The following LRIG2 variants were observed in gnomAD, a reference collection of about 807,000 sequenced individuals.
LRIG2 encodes leucine-rich repeats and immunoglobulin-like domains protein 2.
A neutral mutation model predicts 107.8 loss-of-function variants in LRIG2; 93 were observed. The observed-to-expected ratio is 0.86, with a 90% CI of 0.73 to 1.03. The LOEUF is 1.03. Ranked by LOEUF, LRIG2 falls within the 50% of genes least tolerant of loss-of-function variation. The pLI, the probability that LRIG2 is intolerant of heterozygous loss-of-function variation, is 0.00. For missense variants in LRIG2, 1,226 were observed against 1,296.0 expected, an observed-to-expected ratio of 0.95 and a Z score of 0.83; for synonymous variants, 471 against 470.6, an observed-to-expected ratio of 1.00 and a Z score of -0.01.
chr1:113,110,281 C>T lies in LRIG2; in HGVS notation c.1517C>T (p.Thr506Ile). The T allele has an allele frequency of 6.2e-7, 1 of 1,613,172 alleles. No individual in the cohort carries two copies. The highest frequency in any genetic ancestry group is 8.5e-7 in the Non-Finnish European group (1 of 1,179,326). ...CCACAGATAAGGACACATCCTGAAACCATAATTGCTCTAAGAGGCATGAAT... is the reference window on the plus strand; with the variant it reads ...CCACAGATAAGGACACATCCTGAAATCATAATTGCTCTAAGAGGCATGAAT... The part of the protein sequence containing the change: ...LKPQIRTHPE[T>I]IIALRGMNVT... Residue 506 changes from threonine (T) to isoleucine (I), a missense_variant, in exon 13 of 18, where the codon ACC (threonine) becomes ATC (isoleucine). Coordinates refer to ENST00000361127, the MANE Select transcript of LRIG2 (RefSeq NM_014813.3).
intron 11 of LRIG2, chr1:113,103,161 G>T (rs1654378483): frequency 6.6e-6 from 1 of 152,168 alleles, no homozygotes; most frequent in Non-Finnish European, 1.5e-5. Flanking sequence ...TTGTCACAAA[G>T]ATTCTTTGCT....
At chr1:113,104,867 A>G (rs1215442464) in intron 11 of LRIG2, among the ~76,000 whole-genome samples, 5 of 152,024 alleles carry the variant, frequency 3.3e-5, no homozygotes, top group South Asian at 2.1e-4. Flanking sequence ...GCCTACCTCA[A>G]CCGGGCACGA....
chr1:113,116,456 T>G lies in LRIG2; in HGVS notation c.2680+20T>G. 6.3e-7 allele frequency: 1 copy of G among 1,574,816 alleles called. No homozygotes were observed. The highest frequency in any genetic ancestry group is 1.4e-5 in the African/African-American group (1 of 74,068). Reference sequence around the variant, plus strand: ...CTGACGGTAATGACTCTGTTGTTTATGGTTACAATTTCAGCCTATTCTATT... The same window carrying G: ...CTGACGGTAATGACTCTGTTGTTTAGGGTTACAATTTCAGCCTATTCTATT... On this transcript the variant is annotated intron_variant, in intron 16 of 17. Coordinates refer to ENST00000361127, the MANE Select transcript of LRIG2 (RefSeq NM_014813.3).
In LRIG2 at chr1:113,119,239, C is replaced by G. The variant is rs762876029; in HGVS notation, c.2687C>G (p.Thr896Ser). ...TTCTTTTTCTTGTTATTAGGTGGCA[C>G]TGGTACCCGGGTGATTTGCTCAGAT... is the stretch of plus-strand genomic sequence containing the variant. ...GYIHKGTDGG[T>S]GTRVICSDCY... The change falls in exon 17 of 18, where the codon ACT becomes AGT. Residue 896 changes from threonine to serine, a missense_variant. By Grantham distance (58) the Thr-to-Ser change is moderately conservative. Coordinates refer to ENST00000361127, the MANE Select transcript of LRIG2 (RefSeq NM_014813.3). 10 of 1,605,984 alleles carry G rather than the reference C, an allele frequency of 6.2e-6. No homozygotes were observed. The highest frequency in any genetic ancestry group is 6.8e-6 in the Non-Finnish European group (8 of 1,173,332).
chr1:113,107,361 C>T lies in LRIG2; in HGVS notation c.1314-233C>T, dbSNP rs116273277. Among the ~76,000 whole-genome samples the T allele has an allele frequency of 2.6e-3, 395 of 152,058 alleles. 2 individuals are homozygous for T. The highest frequency in any genetic ancestry group is 9.0e-3 in the African/African-American group (373 of 41,478). The stretch of plus-strand genomic sequence containing the variant: ...CATTTTATTGTAATGATTCTTTAGT[C>T]GTCTTCAAAACAGATCCCTGGCCAC... On this transcript the variant is annotated intron_variant, in intron 11 of 17. Coordinates refer to ENST00000361127, the MANE Select transcript of LRIG2 (RefSeq NM_014813.3).
In LRIG2 at chr1:113,112,727, G is replaced by A. The variant is rs1418170870; in HGVS notation, c.2047G>A (p.Gly683Ser). The change falls in exon 14 of 18, where the codon GGT (glycine) becomes AGT (serine). Residue 683 changes from glycine (G) to serine (S), a missense_variant. By Grantham distance (56) the Gly-to-Ser change is moderately conservative. Coordinates refer to ENST00000361127, the MANE Select transcript of LRIG2 (RefSeq NM_014813.3). ...YSCMAQNTAG[G>S]LSANASLTVL... is the part of the protein sequence containing the mutation. Reference sequence around the variant, plus strand: ...CTGCATGGCACAAAATACAGCAGGAGGTCTCTCAGCAAATGCTTCCCTAAC... The same window carrying A: ...CTGCATGGCACAAAATACAGCAGGAAGTCTCTCAGCAAATGCTTCCCTAAC... The A allele has an allele frequency of 1.2e-6, 2 of 1,607,570 alleles. No homozygotes were observed. Among genetic ancestry groups the A allele is most frequent in the East Asian group, 4.5e-5 (2 of 44,674 alleles).
At chr1:113,101,622 G>A (rs1654313308) in intron 11 of LRIG2, among the ~76,000 whole-genome samples, 3 of 152,180 alleles carry the variant, frequency 2.0e-5, no homozygotes, top group African/African-American at 7.2e-5. Flanking sequence ...TTAAAAGACT[G>A]GTCCTTACCA....
intron 17 of LRIG2, 103 bp downstream of exon 17, chr1:113,119,626 T>C: frequency 9.4e-7 from 1 of 1,064,158 alleles, no homozygotes. Flanking sequence ...AGCAAGCAGA[T>C]GGGTATATAG....
At chr1:113,107,861 A>G in intron 12 of LRIG2, 104 bp downstream of exon 12, 2 of 1,023,660 alleles carry the variant, frequency 2.0e-6, no homozygotes, top group Non-Finnish European at 2.8e-6. Flanking sequence ...TTTTGTAATC[A>G]TACAGTTTTA....
chr1:113,107,778 A>C, intron 12 of LRIG2, 21 bp downstream of exon 12: 2 of 1,590,504 alleles, frequency 1.3e-6, no homozygotes, highest in Non-Finnish European at 1.7e-6. Flanking sequence ...TTGTTTTAAA[A>C]TTTTATATAT....
intron 1 of LRIG2, among the ~76,000 whole-genome samples, chr1:113,085,377 G>A (rs530268972): frequency 1.2e-4 from 18 of 152,240 alleles, no homozygotes; most frequent in Non-Finnish European, 2.2e-4. Context: ...TCCGCCTCCC[G>A]GGTTCAAGTG....
At chr1:113,098,020 T>C (rs546388697) in intron 8 of LRIG2, among the ~76,000 whole-genome samples, 1 of 152,344 alleles carries the variant, frequency 6.6e-6, no homozygotes. Flanking sequence ...ATGAGATGAC[T>C]TAAGGAAGCA....
rs772145126 is a variant in LRIG2 at position 113,094,677 on chromosome 1, G to A, written c.725G>A (p.Arg242Lys). Reference sequence around the variant, plus strand: ...ACATTCCAAGGGCTTGACTCCTTAAGATCTTTGAAAATGCAGCGGAATGGA... The same window carrying A: ...ACATTCCAAGGGCTTGACTCCTTAAAATCTTTGAAAATGCAGCGGAATGGA... ...GLTFQGLDSL[R>K]SLKMQRNGIS... The change falls in exon 6 of 18, where the codon AGA becomes AAA. Residue 242 changes from arginine (R) to lysine (K), a missense_variant. Transcript: ENST00000361127. 1 of 1,613,952 alleles carries A rather than the reference G, an allele frequency of 6.2e-7. No individual in the cohort carries two copies. Among genetic ancestry groups the A allele is most frequent in the Non-Finnish European group, 8.5e-7 (1 of 1,179,912 alleles).
At position 113,093,485 on chromosome 1, in the gene LRIG2, C is replaced by T; in HGVS notation, c.436C>T (p.Leu146=). Reference sequence around the variant, plus strand: ...ACAGGCACTCCAGTTTTACCCTGCTCTGGAGAGTTTAGACCTCAGCTCAAA... The same window carrying T: ...ACAGGCACTCCAGTTTTACCCTGCTTTGGAGAGTTTAGACCTCAGCTCAAA... The part of the protein sequence containing the change: ...NAQALQFYPA[L]ESLDLSSNII... Residue 146 remains leucine (L), a synonymous_variant, in exon 4 of 18, where the codon CTG becomes TTG. Transcript: ENST00000361127. 1 of 1,613,156 alleles carries T rather than the reference C, an allele frequency of 6.2e-7. No individual in the cohort carries two copies. Among genetic ancestry groups the T allele is most frequent in the Admixed American group, 1.7e-5 (1 of 60,008 alleles).
Position 113,093,276 on chromosome 1 carries a change from T to C in LRIG2, c.376T>C (p.Ser126Pro). The change falls in exon 3 of 18, where the codon TCA (serine) becomes CCA (proline). Residue 126 changes from serine (S) to proline (P), a missense_variant. Around this residue, in one of 3 missense-constraint regions of LRIG2, gnomAD observed 570 missense variants for 550.2 expected, o/e 1.04. Transcript: ENST00000361127. Reference sequence around the variant, plus strand: ...ACCTACATCTAATATTACTCTACTTTCATTGTAAGTTAGTAAGTTTTCAGG... The same window carrying C: ...ACCTACATCTAATATTACTCTACTTCCATTGTAAGTTAGTAAGTTTTCAGG... Reference protein sequence around the residue: ...GEPTSNITLLSLVHNIIPEIN... With the variant: ...GEPTSNITLLPLVHNIIPEIN... 1 of 1,584,396 alleles carries C rather than the reference T, an allele frequency of 6.3e-7. No individual in the cohort carries two copies. The highest frequency in any genetic ancestry group is 8.6e-7 in the Non-Finnish European group (1 of 1,164,552).
chr1:113,075,884 G>A (rs1168828107), intron 1 of LRIG2, among the ~76,000 whole-genome samples: 5 of 151,358 alleles, frequency 3.3e-5, no homozygotes, highest in African/African-American at 1.2e-4. Context: ...TTTAGTAGAG[G>A]TGGGGTTTCA....
intron 1 of LRIG2, among the ~76,000 whole-genome samples, chr1:113,085,079 G>A (rs2101023591): frequency 6.6e-6 from 1 of 152,236 alleles, no homozygotes; most frequent in South Asian, 2.1e-4. Context: ...GTTTTTTAAG[G>A]TATTTGTATT....
intron 1 of LRIG2, among the ~76,000 whole-genome samples, chr1:113,090,787 G>A (rs1346107191): frequency 6.6e-6 from 1 of 151,522 alleles, no homozygotes; most frequent in African/African-American, 2.4e-5. Context: ...GCAGTGAGCC[G>A]AGATTGCGCC....
Position 113,116,309 on chromosome 1 carries a change from C to T in LRIG2, c.2553C>T (p.Asp851=). ...TNTEELNLPA[D]IPSYLSSQGT... is the part of the protein sequence containing the mutation. The stretch of plus-strand genomic sequence containing the variant: ...CAGAGGAGCTCAATCTGCCTGCAGA[C>T]ATTCCCAGCTACTTGTCTTCCCAAG... Residue 851 remains aspartate, a synonymous_variant, in exon 16 of 18, where the codon GAC becomes GAT. Transcript: ENST00000361127. 6.2e-7 allele frequency: 1 copy of T among 1,613,670 alleles called. No individual in the cohort carries two copies. Among genetic ancestry groups the T allele is most frequent in the Non-Finnish European group, 8.5e-7 (1 of 1,179,714 alleles).
Sources: gnomAD v4.1 joint callset for allele counts (sites outside exome capture counted in the v4.1 genomes callset) on GRCh38, gnomAD v4.1.1 for gene constraint, gnomAD v4.1.1 regional missense constraint, MANE v1.5 for transcripts, NCBI Gene and HGNC (gene_info 2026-07-23, HGNC 2026-07-21) for gene names.